The following SBF2 variants were observed in gnomAD, a reference collection of about 807,000 sequenced individuals.
The protein encoded by SBF2 is myotubularin-related protein 13.
Under a neutral mutation model 225.2 loss-of-function variants are expected in SBF2, and 112 were observed. The observed-to-expected ratio is 0.50, with a 90% CI of 0.43 to 0.58. SBF2 has a LOEUF of 0.58. SBF2 is among the 20% of genes least tolerant of loss of function. The pLI is 0.00. For synonymous variants in SBF2, 763 were observed against 773.3 expected (o/e 0.99, Z 0.22); for missense variants, 1,996 against 2,206.2 (o/e 0.90, Z 1.91).
Position 9,787,615 on chromosome 11 carries a change from A to G in SBF2, c.5037+19T>C, listed in dbSNP as rs779855017. 1 of 1,603,926 alleles carries G rather than the reference A, an allele frequency of 6.2e-7. No homozygotes were observed. The highest frequency in any genetic ancestry group is 1.7e-5 in the Admixed American group (1 of 60,008). ...TCAGAAAGCTCAGAAGTGGCTCTCA[A>G]GGGGCATTGCCAACTCACGCGATCT... On this transcript the variant is annotated intron_variant, in intron 36 of 39. Coordinates refer to ENST00000256190, the MANE Select transcript of SBF2 (RefSeq NM_030962.4).
rs1856248055 is a variant in SBF2, at chr11:9,842,690, T to C, written c.3191A>G (p.Lys1064Arg). The change falls in exon 25 of 40, where the codon AAG (lysine) becomes AGG (arginine). Residue 1064 changes from lysine to arginine, a missense_variant. By Grantham distance (26) the Lys-to-Arg change is conservative. Coordinates refer to ENST00000256190, the MANE Select transcript of SBF2 (RefSeq NM_030962.4). ...TCTTTCTTCCACAATTGTCCCTGTC[T>C]TCTTCTTCAGTAAATATTGCCGCCC... ...TIGRQYLLKKKTGTIVEERVN... is the reference protein window; with the variant it reads ...TIGRQYLLKKRTGTIVEERVN... 3.1e-6 allele frequency: 5 copies of C among 1,614,118 alleles called. No individual in the cohort carries two copies. In the East Asian group the frequency reaches 1.1e-4, roughly 36 times the overall value.
intron 29 of SBF2, among the ~76,000 whole-genome samples, chr11:9,815,024 C>A (rs372432179): frequency 1.4e-4 from 22 of 152,018 alleles, no homozygotes; most frequent in African/African-American, 5.3e-4. Context: ...GAATGTGGCA[C>A]ATATCAGACA....
At chr11:10,183,613 A>AT (rs1237281980) in intron 2 of SBF2, among the ~76,000 whole-genome samples, 1 of 152,102 alleles carries the variant, frequency 6.6e-6, no homozygotes, top group Non-Finnish European at 1.5e-5. Flanking sequence ...GTCAAGGCTC[A>AT]TTTTTTTCCT....
intron 2 of SBF2, among the ~76,000 whole-genome samples, chr11:10,193,382 T>A (rs1240594950): frequency 3.1e-5 from 4 of 130,578 alleles, no homozygotes; most frequent in Non-Finnish European, 6.3e-5. Flanking sequence ...TGAGAGGGAG[T>A]CTTGCTCTGT....
At chr11:9,784,630 C>G (rs1852251395) in intron 37 of SBF2, among the ~76,000 whole-genome samples, 192 bp from the exon 38 acceptor site, 1 of 152,192 alleles carries the variant, frequency 6.6e-6, no homozygotes, top group South Asian at 2.1e-4. Flanking sequence ...CTGGGATTAC[C>G]ACATCTGTGA....
intron 6 of SBF2, among the ~76,000 whole-genome samples, chr11:10,025,543 G>C (rs1047176677): frequency 1.6e-4 from 25 of 152,104 alleles, no homozygotes; most frequent in African/African-American, 5.6e-4. Flanking sequence ...TTTTCTCCTG[G>C]ATCATGGCTT....
At chr11:9,958,776 G>T in intron 16 of SBF2, 1 of 491,610 alleles carries the variant, frequency 2.0e-6, no homozygotes, top group East Asian at 4.6e-5. Flanking sequence ...TCCGGTTTGA[G>T]AAGACACGGG....
intron 1 of SBF2, among the ~76,000 whole-genome samples, chr11:10,233,357 C>A (rs1958933055): frequency 6.6e-6 from 1 of 152,116 alleles, no homozygotes; most frequent in African/African-American, 2.4e-5. Flanking sequence ...CTATTCCTGT[C>A]TTAAAGTACA....
At chr11:9,922,882 G>C (rs1428881907) in intron 16 of SBF2, among the ~76,000 whole-genome samples, 1 of 152,206 alleles carries the variant, frequency 6.6e-6, no homozygotes, top group Non-Finnish European at 1.5e-5. Context: ...AGAAGCTCCA[G>C]AGTGGAACTT....
intron 1 of SBF2, among the ~76,000 whole-genome samples, chr11:10,282,151 T>C (rs768984804): frequency 1.2e-4 from 19 of 152,192 alleles, no homozygotes; most frequent in Non-Finnish European, 2.4e-4. Flanking sequence ...TTCAGCACAT[T>C]TGACATTTGT....
chr11:9,812,918 G>A (rs1425552243), intron 29 of SBF2, among the ~76,000 whole-genome samples: 1 of 152,202 alleles, frequency 6.6e-6, no homozygotes, highest in Non-Finnish European at 1.5e-5. Context: ...GCCCAGAATG[G>A]CAAATCTAGT....
At chr11:9,870,972 G>GAAA (rs35752884) in intron 17 of SBF2, among the ~76,000 whole-genome samples, 1 of 106,528 alleles carries the variant, frequency 9.4e-6, no homozygotes, top group African/African-American at 3.2e-5. Context: ...GAATCCGTCT[G>GAAA]AAAAAAAAAA....
chr11:9,850,217 G>A lies in SBF2; in HGVS notation c.2612C>T (p.Pro871Leu). 1 of 1,612,624 alleles carries A rather than the reference G, an allele frequency of 6.2e-7. No individual in the cohort carries two copies. The highest frequency in any genetic ancestry group is 1.9e-4 in the Middle Eastern group (1 of 5,220). The change falls in exon 22 of 40, where the codon CCC (proline) becomes CTC (leucine). Residue 871 changes from proline to leucine, a missense_variant and splice_region_variant. Coordinates refer to ENST00000256190, the MANE Select transcript of SBF2 (RefSeq NM_030962.4). ...ESRRLPPIQK[P>L]KILRPALLPG... ...CAGCAGAGCAGGTCTAAGAATCTTG[G>A]GCTTACAACAGAAAAAGATTGATTG... is the stretch of plus-strand genomic sequence containing the variant.
At chr11:9,845,837 T>A (rs1856506143) in intron 23 of SBF2, 97 bp from the exon 24 acceptor site, 1 of 1,144,568 alleles carries the variant, frequency 8.7e-7, no homozygotes, top group Non-Finnish European at 1.3e-6. Context: ...ATGGCAAGAC[T>A]GGAGGTCAAA....
rs147834709 is a variant in SBF2 at position 10,204,996 on chromosome 11, C to T, written c.56-11009G>A. 1.1e-3 allele frequency among the ~76,000 whole-genome samples: 168 copies of T among 148,312 alleles called. 2 individuals carry two copies. The highest frequency in any genetic ancestry group is 2.2e-3 in the Non-Finnish European group (148 of 67,256). Reference sequence around the variant, plus strand: ...ACATAGGGAGGGGAACAATACACACCGCGGCCTGTTGGGGGGAGGTGGGAG... The same window carrying T: ...ACATAGGGAGGGGAACAATACACACTGCGGCCTGTTGGGGGGAGGTGGGAG... On this transcript the variant is annotated intron_variant, in intron 1 of 39. Coordinates refer to ENST00000256190, the MANE Select transcript of SBF2 (RefSeq NM_030962.4).
At chr11:10,216,597 T>C (rs944371678) in intron 1 of SBF2, among the ~76,000 whole-genome samples, 2 of 152,296 alleles carry the variant, frequency 1.3e-5, no homozygotes, top group East Asian at 3.9e-4. Flanking sequence ...GGGCTGGGTG[T>C]GGTGGCTCAC....
chr11:10,255,080 G>A (rs1591314011), intron 1 of SBF2, among the ~76,000 whole-genome samples: 1 of 152,040 alleles, frequency 6.6e-6, no homozygotes, highest in South Asian at 2.1e-4. Context: ...GTGGTTATCA[G>A]GGACTAGCAG....
At chr11:9,856,941 C>T (rs543429028) in intron 18 of SBF2, among the ~76,000 whole-genome samples, 1 of 152,176 alleles carries the variant, frequency 6.6e-6, no homozygotes, top group East Asian at 1.9e-4. Context: ...TCACCTGCCA[C>T]CACGCCCAGC....
intron 1 of SBF2, among the ~76,000 whole-genome samples, chr11:10,215,884 T>C (rs1177841567): frequency 6.6e-6 from 1 of 152,212 alleles, no homozygotes; most frequent in Non-Finnish European, 1.5e-5. Context: ...CAAATGCTCA[T>C]CTATGTCTTT....
Sources: gnomAD v4.1 joint callset for allele counts (sites outside exome capture counted in the v4.1 genomes callset) on GRCh38, gnomAD v4.1.1 for gene constraint, MANE v1.5 for transcripts, NCBI Gene and HGNC (gene_info 2026-07-23, HGNC 2026-07-21) for gene names.